The following FMNL3 variants were observed in gnomAD, a reference collection of about 807,000 sequenced individuals.
FMNL3 encodes formin like 3.
FMNL3 carries 57 observed loss-of-function variants against 119.6 expected under a neutral mutation model. The ratio of observed to expected loss-of-function variants is 0.48; its 90% confidence interval spans 0.39 to 0.59. FMNL3 has a LOEUF of 0.59. FMNL3 is among the 20% of genes least tolerant of loss of function. The pLI, the probability that FMNL3 is intolerant of heterozygous loss-of-function variation, is 0.00. For missense variants in FMNL3, 1,053 were observed against 1,323.5 expected, an observed-to-expected ratio of 0.80 and a Z score of 3.17; for synonymous variants, 491 against 507.3, an observed-to-expected ratio of 0.97 and a Z score of 0.43.
chr12:49,707,316 G>T lies in FMNL3; in HGVS notation c.-136C>A. The T allele has an allele frequency of 1.3e-6, 1 of 792,468 alleles. No individual in the cohort carries two copies. The highest frequency in any genetic ancestry group is 1.8e-6 in the Non-Finnish European group (1 of 557,100). The allele number at this position is 792,468 out of a possible 1,614,324, so 49.1% of individuals were successfully genotyped here. A position where few individuals can be genotyped will look rare whatever the true frequency, so the allele number is the denominator to read the frequency against. ...CTCCTCGGCCCCGTCGAGGGCGCCG[G>T]GGGTTCCCTGGAGTCCCGCTGGCGG... is the stretch of plus-strand genomic sequence containing the variant. On this transcript the variant is annotated 5_prime_UTR_variant, in exon 1 of 26. Coordinates refer to ENST00000335154, the MANE Select transcript of FMNL3 (RefSeq NM_175736.5).
chr12:49,657,216 G>A (rs780267184), intron 6 of FMNL3, 26 bp from the exon 7 acceptor site: 1 of 1,577,884 alleles, frequency 6.3e-7, no homozygotes, highest in Admixed American at 1.7e-5. Flanking sequence ...AGGCAGTCAG[G>A]TGGGAGCTGA....
chr12:49,676,484 A>C (rs1264254888), intron 1 of FMNL3, among the ~76,000 whole-genome samples: 1 of 148,920 alleles, frequency 6.7e-6, no homozygotes, highest in Non-Finnish European at 1.5e-5. Flanking sequence ...CACTGATACC[A>C]TGGACCTTTA....
chr12:49,680,393 T>C (rs1412779903), intron 1 of FMNL3, among the ~76,000 whole-genome samples: 1 of 152,248 alleles, frequency 6.6e-6, no homozygotes, highest in African/African-American at 2.4e-5. Context: ...CTACAAGTCC[T>C]GCCTTTCCTT....
In FMNL3 at chr12:49,649,529, C is replaced by G; in HGVS notation, c.2245G>C (p.Ala749Pro). Reference sequence around the variant, plus strand: ...ACGGAAGCGGACGCCGCAATGATGGCATTGAGTTGCTGTAGGACAATATGA... The same window carrying G: ...ACGGAAGCGGACGCCGCAATGATGGGATTGAGTTGCTGTAGGACAATATGA... ...NLQMLTPQLN[A>P]IIAASASVKS... Residue 749 changes from alanine to proline, a missense_variant, in exon 19 of 26, where the codon GCC becomes CCC. Transcript: ENST00000335154. This position sits in a 1 kb window ranked among gnomAD's most constrained non-coding sequence, Gnocchi z 5.6. 6.2e-7 allele frequency: 1 copy of G among 1,614,180 alleles called. No individual in the cohort carries two copies.
intron 25 of FMNL3, among the ~76,000 whole-genome samples, chr12:49,646,426 G>T (rs1943189179): frequency 6.6e-6 from 1 of 152,238 alleles, no homozygotes; most frequent in African/African-American, 2.4e-5. Context: ...AGCCAGGACA[G>T]CATTAGTGGG....
In FMNL3 at chr12:49,647,864, C is replaced by T; in HGVS notation, c.2677-60G>A. The T allele has an allele frequency of 7.4e-7, 1 of 1,350,418 alleles. No homozygotes were observed. Among genetic ancestry groups the T allele is most frequent in the Non-Finnish European group, 1.1e-6 (1 of 945,634 alleles). The allele number at this position is 1,350,418 out of a possible 1,614,324, so 83.7% of individuals were successfully genotyped here. A position where few individuals can be genotyped will look rare whatever the true frequency, so the allele number is the denominator to read the frequency against. ...CAGGAAGATCAGCCCAGCTCCCACA[C>T]CACGGATGAGAGGCCTGCAGAAAGC... On this transcript the variant is annotated intron_variant, in intron 22 of 25. Coordinates refer to ENST00000335154, the MANE Select transcript of FMNL3 (RefSeq NM_175736.5). The surrounding 1 kb of genome is among the most constrained non-coding windows in gnomAD (Gnocchi z 4.9).
At position 49,637,659 on chromosome 12, in the gene FMNL3, C is replaced by T; in HGVS notation, c.*8156G>A. On this transcript the variant is annotated 3_prime_UTR_variant, in exon 26 of 26. Coordinates refer to ENST00000335154, the MANE Select transcript of FMNL3 (RefSeq NM_175736.5). The stretch of plus-strand genomic sequence containing the variant: ...GCCTCTCTGCACCCCCTACTACCGG[C>T]TCCTGTCCTCGGCCCAGCCCCCAGG... The T allele has an allele frequency of 2.6e-6, 4 of 1,554,724 alleles. No individual in the cohort carries two copies. The highest frequency in any genetic ancestry group is 3.5e-6 in the Non-Finnish European group (4 of 1,131,926).
rs554885485 is a variant in FMNL3 at position 49,688,370 on chromosome 12, G to T, written c.126+18685C>A. ...CTCTTAACCTTATAAAGCATACCTAGAAGTTTCCCTACAATTAATTTCCAA... is the reference window on the plus strand; with the variant it reads ...CTCTTAACCTTATAAAGCATACCTATAAGTTTCCCTACAATTAATTTCCAA... On this transcript the variant is annotated intron_variant, in intron 1 of 25. Transcript: ENST00000335154. 65 of 455,862 alleles carry T rather than the reference G, an allele frequency of 1.4e-4. 1 individual carries two copies. The highest frequency in any genetic ancestry group is 1.2e-3 in the African/African-American group (61 of 50,084). 28.2% of individuals were successfully genotyped at this position (455,862 alleles called of 1,614,324 possible).
chr12:49,705,851 G>A (rs536295603), intron 1 of FMNL3, among the ~76,000 whole-genome samples: 1 of 152,280 alleles, frequency 6.6e-6, no homozygotes, highest in South Asian at 2.1e-4. Context: ...GTGGGCTGAT[G>A]TCAGATTCTC....
At chr12:49,672,292 G>A (rs1358164909) in intron 1 of FMNL3, among the ~76,000 whole-genome samples, 19 of 152,190 alleles carry the variant, frequency 1.2e-4, no homozygotes, top group Non-Finnish European at 2.8e-4. Context: ...ATCTTGAGGG[G>A]TGGGGGACAT....
chr12:49,665,788 A>G (rs778764035), intron 4 of FMNL3, 44 bp downstream of exon 4: 50 of 1,580,712 alleles, frequency 3.2e-5, no homozygotes, highest in Non-Finnish European at 4.3e-5. Context: ...CCCAGCCAGC[A>G]GCCTGGGGCC....
At chr12:49,701,614 A>G (rs562043725) in intron 1 of FMNL3, among the ~76,000 whole-genome samples, 2 of 152,322 alleles carry the variant, frequency 1.3e-5, no homozygotes, top group African/African-American at 2.4e-5. Flanking sequence ...TTGATGGACC[A>G]TCGTACAAGC....
At position 49,637,550 on chromosome 12, in the gene FMNL3, T is replaced by A; in HGVS notation, c.*8265A>T. 6.2e-7 allele frequency: 1 copy of A among 1,613,928 alleles called. No homozygotes were observed. Among genetic ancestry groups the A allele is most frequent in the Non-Finnish European group, 8.5e-7 (1 of 1,180,038 alleles). On this transcript the variant is annotated 3_prime_UTR_variant, in exon 26 of 26. Transcript: ENST00000335154. ...TGGAGCTATATCCAGCAGTCAGCACTGATGTCCGCTTTGCCAACATGCTGG... is the reference window on the plus strand; with the variant it reads ...TGGAGCTATATCCAGCAGTCAGCACAGATGTCCGCTTTGCCAACATGCTGG...
At chr12:49,691,390 A>G (rs1253291412) in intron 1 of FMNL3, among the ~76,000 whole-genome samples, 1 of 152,218 alleles carries the variant, frequency 6.6e-6, no homozygotes, top group Non-Finnish European at 1.5e-5. Flanking sequence ...GCTGAGATGC[A>G]GCACAGCCTA....
At chr12:49,678,392 G>A (rs1944250645) in intron 1 of FMNL3, among the ~76,000 whole-genome samples, 1 of 147,472 alleles carries the variant, frequency 6.8e-6, no homozygotes, top group Non-Finnish European at 1.5e-5. Flanking sequence ...TCCTGACCTC[G>A]TGATCCACCT....
chr12:49,641,880 C>T lies in FMNL3; in HGVS notation c.*3935G>A. 2 of 1,602,250 alleles carry T rather than the reference C, an allele frequency of 1.2e-6. No individual in the cohort carries two copies. The highest frequency in any genetic ancestry group is 1.7e-6 in the Non-Finnish European group (2 of 1,171,608). ...GCTTTGGCCTCAGGCACGTGGTGCC[C>T]CTGCTTCATGCACTGCTGTACCCAC... On this transcript the variant is annotated 3_prime_UTR_variant, in exon 26 of 26. Coordinates refer to ENST00000335154, the MANE Select transcript of FMNL3 (RefSeq NM_175736.5).
intron 8 of FMNL3, 45 bp from the exon 9 acceptor site, chr12:49,656,542 G>A (rs1428945293): frequency 6.5e-7 from 1 of 1,537,682 alleles, no homozygotes; most frequent in Non-Finnish European, 9.0e-7. Context: ...TCCCCATCCT[G>A]ACAACCACAC....
In FMNL3 at chr12:49,657,015, T is replaced by C. The variant is rs982963407; in HGVS notation, c.714+67A>G. The C allele has an allele frequency of 2.1e-5, 33 of 1,562,550 alleles. 1 individual carries two copies. The Admixed American group carries it at 2.2e-4, about 10-fold the overall frequency. On this transcript the variant is annotated intron_variant, in intron 7 of 25. Coordinates refer to ENST00000335154, the MANE Select transcript of FMNL3 (RefSeq NM_175736.5). ...TGTCTTTTATAAGCTGATGCCCTCCTAGCTCTCCTGGTTTTGCAGATGAGG... is the reference window on the plus strand; with the variant it reads ...TGTCTTTTATAAGCTGATGCCCTCCCAGCTCTCCTGGTTTTGCAGATGAGG...
intron 5 of FMNL3, among the ~76,000 whole-genome samples, chr12:49,661,246 C>T (rs539502575): frequency 6.6e-6 from 1 of 152,290 alleles, no homozygotes; most frequent in Non-Finnish European, 1.5e-5. Context: ...ATACTAAGTG[C>T]TTTAACACAC....
Sources: allele counts gnomAD v4.1 joint callset (sites outside exome capture counted in the v4.1 genomes callset), GRCh38; gene constraint gnomAD v4.1.1; non-coding constraint Gnocchi (gnomAD v3.1); transcripts MANE v1.5; gene names NCBI Gene and HGNC (gene_info 2026-07-23, HGNC 2026-07-21).